The following MTAP variants were observed in gnomAD, a reference collection of about 807,000 sequenced individuals.
MTAP encodes methylthioadenosine phosphorylase.
Under a neutral mutation model 33.6 loss-of-function variants are expected in MTAP, and 33 were observed. The ratio of observed to expected loss-of-function variants is 0.98; its 90% CI spans 0.74 to 1.31. MTAP has a LOEUF of 1.31. MTAP is among the 40% of genes most tolerant of loss of function. The pLI is 0.00. For missense variants in MTAP, 367 were observed against 360.0 expected, an observed-to-expected ratio of 1.02 and a Z score of -0.16; for synonymous variants, 148 against 125.7, an observed-to-expected ratio of 1.18 and a Z score of -1.19.
intron 1 of MTAP, among the ~76,000 whole-genome samples, chr9:21,901,398 G>A (rs1818390899): frequency 1.3e-5 from 2 of 152,090 alleles, no homozygotes; most frequent in South Asian, 2.1e-4. Context: ...AGCACAGGAG[G>A]AAAAGTAATG....
chr9:21,927,395 A>G (rs956879974), intron 1 of MTAP, among the ~76,000 whole-genome samples: 1 of 152,192 alleles, frequency 6.6e-6, no homozygotes, highest in Non-Finnish European at 1.5e-5. Context: ...AAAAGACCGC[A>G]ATGGATCACT....
Position 21,859,157 on chromosome 9 carries a change from C to G in MTAP, c.691-146C>G, listed in dbSNP as rs1825699456. 3 of 1,188,956 alleles carry G rather than the reference C, an allele frequency of 2.5e-6. No homozygotes were observed. The Admixed American group carries it at 7.8e-5, about 31-fold the overall frequency. 73.7% of individuals were successfully genotyped at this position (1,188,956 alleles called of 1,614,324 possible). ...CTCCCAAATGCCCAACCTCCAAATA[C>G]CCTACATTGAGGATTCGGTTTCAGC... On this transcript the variant is annotated intron_variant, in intron 6 of 7. Transcript: ENST00000644715.
intron 1 of MTAP, among the ~76,000 whole-genome samples, chr9:21,807,831 A>G (rs1007449786): frequency 6.6e-6 from 1 of 152,216 alleles, no homozygotes; most frequent in African/African-American, 2.4e-5. Context: ...GACTGATGGT[A>G]ATACATTATT....
chr9:21,842,466 A>G (rs1825270719), intron 5 of MTAP, among the ~76,000 whole-genome samples: 1 of 152,234 alleles, frequency 6.6e-6, no homozygotes, highest in South Asian at 2.1e-4. Flanking sequence ...CAGGCTATCT[A>G]AAGTCAAGAT....
chr9:21,855,659 C>A (rs1453082906), intron 6 of MTAP, among the ~76,000 whole-genome samples: 2 of 152,102 alleles, frequency 1.3e-5, no homozygotes, highest in Admixed American at 6.5e-5. Context: ...CAGCAGGATC[C>A]AGCTGGAATT....
chr9:21,829,009 T>C (rs146884186), intron 4 of MTAP, among the ~76,000 whole-genome samples: 1 of 152,236 alleles, frequency 6.6e-6, no homozygotes, highest in Non-Finnish European at 1.5e-5. Context: ...TATATATCAT[T>C]CATTATGTGT....
At chr9:21,808,474 C>G (rs534765838) in intron 1 of MTAP, among the ~76,000 whole-genome samples, 1 of 151,088 alleles carries the variant, frequency 6.6e-6, no homozygotes, top group Non-Finnish European at 1.5e-5. Flanking sequence ...GCTTGTAGTT[C>G]AGCTCCTTGG....
chr9:21,850,531 G>A (rs1036379346), intron 5 of MTAP, among the ~76,000 whole-genome samples: 13 of 152,216 alleles, frequency 8.5e-5, no homozygotes, highest in African/African-American at 2.9e-4. Flanking sequence ...AAATCCAATG[G>A]TCCTTGAGGT....
At chr9:21,870,598 C>CAT, downstream of MTAP, among the ~76,000 whole-genome samples, 1 of 151,936 alleles carries the variant, frequency 6.6e-6, no homozygotes, top group East Asian at 1.9e-4. Context: ...CTAGGAGCCA[C>CAT]ATTTACAAAG....
downstream of MTAP, chr9:21,934,676 C>T (rs1327710046): frequency 6.8e-6 from 1 of 146,510 alleles, no homozygotes; most frequent in Non-Finnish European, 1.5e-5. The surrounding 1 kb of genome is among the most constrained non-coding windows in gnomAD (Gnocchi z 5.0). Flanking sequence ...AGCAAAAAAA[C>T]AAAAAAAAAC....
At chr9:21,812,125 C>A in intron 1 of MTAP, 1 of 191,656 alleles carries the variant, frequency 5.2e-6, no homozygotes, top group Non-Finnish European at 1.1e-5. Context: ...TGCTGGTTGT[C>A]CCAGCTGGTC....
At chr9:21,839,651 T>G (rs998293542) in intron 5 of MTAP, among the ~76,000 whole-genome samples, 2 of 152,130 alleles carry the variant, frequency 1.3e-5, no homozygotes, top group East Asian at 3.9e-4. Flanking sequence ...AGAAAGAAAT[T>G]TTTAAATATT....
intron 1 of MTAP, among the ~76,000 whole-genome samples, chr9:21,895,124 G>A (rs1433177370): frequency 1.3e-5 from 2 of 152,186 alleles, no homozygotes; most frequent in African/African-American, 4.8e-5. Flanking sequence ...CAGATTAAAT[G>A]CCATTCCTAT....
At chr9:21,921,229 G>C (rs191771729) in intron 1 of MTAP, among the ~76,000 whole-genome samples, 1 of 151,752 alleles carries the variant, frequency 6.6e-6, no homozygotes, top group African/African-American at 2.4e-5. Context: ...ATGATTCTTT[G>C]TATTTCTGTG....
intron 1 of MTAP, among the ~76,000 whole-genome samples, chr9:21,814,205 TTTTG>T (rs1369723556): frequency 1.3e-5 from 2 of 152,212 alleles, no homozygotes; most frequent in African/African-American, 4.8e-5. Flanking sequence ...TTGTTGCTTT[TTTTG>T]TGTGTGTGTT....
chr9:21,856,446 T>C (rs542023807), intron 6 of MTAP, among the ~76,000 whole-genome samples: 6 of 152,336 alleles, frequency 3.9e-5, no homozygotes, highest in African/African-American at 1.4e-4. Flanking sequence ...CAACATAATA[T>C]CTTATTTGGC....
chr9:21,938,276 A>G (rs1333221205), downstream of MTAP, among the ~76,000 whole-genome samples: 1 of 151,062 alleles, frequency 6.6e-6, no homozygotes, highest in East Asian at 1.9e-4. Context: ...TCCTTCTCAA[A>G]AAAAAAAAAA....
chr9:21,927,194 C>T (rs918010159), intron 1 of MTAP, among the ~76,000 whole-genome samples: 1 of 152,162 alleles, frequency 6.6e-6, no homozygotes, highest in Admixed American at 6.5e-5. Context: ...AGTTCTAACT[C>T]AAACCATCAG....
At chr9:21,854,597 G>A in intron 5 of MTAP, 34 bp from the exon 6 acceptor site, 1 of 1,516,776 alleles carries the variant, frequency 6.6e-7, no homozygotes. Flanking sequence ...GCATGTGCTA[G>A]TATGTTTTGA....
Sources: allele counts gnomAD v4.1 joint callset (sites outside exome capture counted in the v4.1 genomes callset), GRCh38; gene constraint gnomAD v4.1.1; non-coding constraint Gnocchi (gnomAD v3.1); transcripts MANE v1.5; gene names NCBI Gene and HGNC (gene_info 2026-07-23, HGNC 2026-07-21).